Variants in ASPA observed in about 807,000 individuals in gnomAD.
The protein encoded by ASPA is aspartoacylase.
In ASPA, 25 loss-of-function variants were observed where a neutral mutation model predicts 29.6. The observed-to-expected ratio is 0.85, with a 90% CI of 0.62 to 1.18. ASPA has a LOEUF of 1.18. ASPA is among the 50% of genes most tolerant of loss of function. The probability of loss-of-function intolerance (pLI) is 0.00; values close to 1 mark genes in which losing one functional copy is unlikely to be tolerated. For synonymous variants in ASPA, 131 were observed against 130.3 expected (o/e 1.01, Z -0.04); for missense variants, 333 against 385.7 (o/e 0.86, Z 1.14).
In ASPA at chr17:3,498,933, T is replaced by C; in HGVS notation, c.787T>C (p.Leu263=). Residue 263 remains leucine (L), a synonymous_variant, in exon 6 of 6, where the codon TTA becomes CTA. Coordinates refer to ENST00000263080, the MANE Select transcript of ASPA (RefSeq NM_000049.4). ...ACTGCATCCTGGGGATCCCATGTTT[T>C]TAACTCTTGATGGGAAGACGATCCC... ...KPLHPGDPMF[L]TLDGKTIPLG... The C allele has an allele frequency of 1.2e-6, 2 of 1,610,190 alleles. No homozygotes were observed. The highest frequency in any genetic ancestry group is 1.7e-6 in the Non-Finnish European group (2 of 1,177,616).
chr17:3,474,339 C>T (rs182163588), upstream of ASPA, among the ~76,000 whole-genome samples: 11 of 152,312 alleles, frequency 7.2e-5, no homozygotes, highest in East Asian at 1.3e-3. Context: ...GTGCCAGCTA[C>T]GAGTAAATAA....
chr17:3,483,902 C>T (rs546351177), intron 3 of ASPA, among the ~76,000 whole-genome samples: 1 of 152,288 alleles, frequency 6.6e-6, no homozygotes, highest in South Asian at 2.1e-4. Context: ...AGGTGATGCA[C>T]CTGCCTCAGC....
rs2073807697 is a variant in ASPA, at chr17:3,490,546, C to T, written c.634+1204C>T. On this transcript the variant is annotated intron_variant, in intron 4 of 5. Transcript: ENST00000263080. This position sits in a 1 kb window ranked among gnomAD's most constrained non-coding sequence, Gnocchi z 4.6. ...TCCTCAACCTCAGATCGTGCGCACC[C>T]CACTGCAATCACAGACATTCGTTTT... 6.6e-6 allele frequency among the ~76,000 whole-genome samples: 1 copy of T among 151,658 alleles called. No individual in the cohort carries two copies.
rs368622924 is a variant in ASPA, at chr17:3,494,370, G to A, written c.655G>A (p.Ala219Thr). The A allele has an allele frequency of 2.0e-5, 33 of 1,611,272 alleles. No individual in the cohort carries two copies. The highest frequency in any genetic ancestry group is 6.7e-5 in the East Asian group (3 of 44,890). ...FNEGKEFPPC[A>T]IEVYKIIEKV... ...CATAGGAAAAGAATTTCCTCCCTGC[G>A]CCATTGAGGTCTATAAAATTATAGA... The change falls in exon 5 of 6, where the codon GCC (alanine) becomes ACC (threonine). Residue 219 changes from alanine (A) to threonine (T), a missense_variant. Coordinates refer to ENST00000263080, the MANE Select transcript of ASPA (RefSeq NM_000049.4).
At position 3,485,176 on chromosome 17, in the gene ASPA, A is replaced by G. The variant is rs1196181302; in HGVS notation, c.526+1584A>G. Among the ~76,000 whole-genome samples, 1 of 152,030 alleles carries G rather than the reference A, an allele frequency of 6.6e-6. No homozygotes were observed. The highest frequency in any genetic ancestry group is 1.9e-4 in the East Asian group (1 of 5,186). ...TTGAACTACAGGCACGTGCCACCAC[A>G]TTCAGCTAATTTTTTATTTTTTGTA... On this transcript the variant is annotated intron_variant, in intron 3 of 5. Coordinates refer to ENST00000263080, the MANE Select transcript of ASPA (RefSeq NM_000049.4). The surrounding 1 kb of genome is among the most constrained non-coding windows in gnomAD (Gnocchi z 4.4).
At chr17:3,498,592 C>T (rs1379820275) in intron 5 of ASPA, among the ~76,000 whole-genome samples, 1 of 152,184 alleles carries the variant, frequency 6.6e-6, no homozygotes, top group Non-Finnish European at 1.5e-5. Flanking sequence ...AGCGATCCAC[C>T]CACATTGGCC....
chr17:3,481,943 G>C, intron 2 of ASPA, 145 bp downstream of exon 2: 1 of 743,634 alleles, frequency 1.3e-6, no homozygotes, highest in South Asian at 1.9e-5. Flanking sequence ...GTGGTTGGGG[G>C]GAAAGGGTGC....
intron 1 of ASPA, 74 bp downstream of exon 1, chr17:3,476,469 A>G (rs1597422711): frequency 7.6e-7 from 1 of 1,311,846 alleles, no homozygotes; most frequent in Non-Finnish European, 1.1e-6. Context: ...GAGAACACAT[A>G]TATGTATATG....
intron 5 of ASPA, 52 bp from the exon 6 acceptor site, chr17:3,498,839 T>C (rs1597450555): frequency 4.9e-6 from 7 of 1,414,232 alleles, no homozygotes; most frequent in East Asian, 2.5e-5. Flanking sequence ...ACATAAATTT[T>C]TAGAGGAGAA....
Position 3,498,978 on chromosome 17 carries a change from G to A in ASPA, c.832G>A (p.Val278Met), listed in dbSNP as rs140581464. The A allele has an allele frequency of 1.3e-4, 211 of 1,614,142 alleles. No individual in the cohort carries two copies. In the East Asian group the frequency reaches 2.5e-3, roughly 19 times the overall value. The change falls in exon 6 of 6, where the codon GTG (valine) becomes ATG (methionine). Residue 278 changes from valine to methionine, a missense_variant. Physicochemically the swap from Val to Met is conservative, Grantham distance 21. Coordinates refer to ENST00000263080, the MANE Select transcript of ASPA (RefSeq NM_000049.4). ...KTIPLGGDCTVYPVFVNEAAY... is the reference protein window; with the variant it reads ...KTIPLGGDCTMYPVFVNEAAY... Reference sequence around the variant, plus strand: ...GATCCCACTGGGCGGAGACTGTACCGTGTACCCCGTGTTTGTGAATGAGGC... The same window carrying A: ...GATCCCACTGGGCGGAGACTGTACCATGTACCCCGTGTTTGTGAATGAGGC...
At position 3,494,333 on chromosome 17, in the gene ASPA, T is replaced by G; in HGVS notation, c.635-17T>G. On this transcript the variant is annotated splice_polypyrimidine_tract_variant and intron_variant, in intron 4 of 5. Coordinates refer to ENST00000263080, the MANE Select transcript of ASPA (RefSeq NM_000049.4). ...GATGTTTTTAGTTGCCATTGATACA[T>G]ATTGTTTTTGTCATAGGAAAAGAAT... The G allele has an allele frequency of 3.2e-6, 5 of 1,562,996 alleles. No individual in the cohort carries two copies. Among genetic ancestry groups the G allele is most frequent in the Non-Finnish European group, 3.5e-6 (4 of 1,133,668 alleles).
chr17:3,492,382 C>T (rs1014320298), intron 4 of ASPA, among the ~76,000 whole-genome samples: 15 of 152,132 alleles, frequency 9.9e-5, no homozygotes, highest in Non-Finnish European at 2.1e-4. Flanking sequence ...TTTTTACTTT[C>T]TTCCTATCCA....
At position 3,490,150 on chromosome 17, in the gene ASPA, A is replaced by G. The variant is rs1873061; in HGVS notation, c.634+808A>G. Among the ~76,000 whole-genome samples the G allele has an allele frequency of 0.78, 119,260 of 152,098 alleles. 47,688 individuals carry two copies. The highest frequency in any genetic ancestry group is 0.87 in the Non-Finnish European group (59,243 of 68,012). On this transcript the variant is annotated intron_variant, in intron 4 of 5. Transcript: ENST00000263080. This position sits in a 1 kb window ranked among gnomAD's most constrained non-coding sequence, Gnocchi z 4.6. ...AAAGTCCTAGAAGAAAACACACCAA[A>G]CTGATAACAATAGTTACCGGGGACG...
chr17:3,483,607 C>T lies in ASPA; in HGVS notation c.526+15C>T, dbSNP rs1362880583. ...GTATCCTGTGGGTAAGTCATAGTTC[C>T]CACTGTCATAACTCAATAAAATATG... On this transcript the variant is annotated intron_variant, in intron 3 of 5. Transcript: ENST00000263080. 1.9e-6 allele frequency: 3 copies of T among 1,584,366 alleles called. No individual in the cohort carries two copies. Among genetic ancestry groups the T allele is most frequent in the Non-Finnish European group, 2.6e-6 (3 of 1,153,022 alleles).
At chr17:3,493,884 T>C (rs1290246987) in intron 4 of ASPA, among the ~76,000 whole-genome samples, 1 of 152,160 alleles carries the variant, frequency 6.6e-6, no homozygotes, top group Non-Finnish European at 1.5e-5. Flanking sequence ...AGAGTGCTGA[T>C]AGGAATCATT....
intron 1 of ASPA, among the ~76,000 whole-genome samples, chr17:3,477,343 C>T (rs772820597): frequency 3.9e-5 from 6 of 152,166 alleles, no homozygotes; most frequent in Admixed American, 6.5e-5. Context: ...CGTAAGCAGT[C>T]ATAACATGCT....
At chr17:3,497,974 A>G (rs2073936174) in intron 5 of ASPA, among the ~76,000 whole-genome samples, 1 of 152,128 alleles carries the variant, frequency 6.6e-6, no homozygotes. Context: ...TTGAGGGCTC[A>G]AAGGTCCAAA....
In ASPA at chr17:3,499,367, T is replaced by C; in HGVS notation, c.*279T>C. 1 of 251,682 alleles carries C rather than the reference T, an allele frequency of 4.0e-6. No individual in the cohort carries two copies. Among genetic ancestry groups the C allele is most frequent in the Non-Finnish European group, 7.5e-6 (1 of 134,156 alleles). The allele number at this position is 251,682 out of a possible 1,614,324, so 15.6% of individuals were successfully genotyped here. On this transcript the variant is annotated 3_prime_UTR_variant, in exon 6 of 6. Coordinates refer to ENST00000263080, the MANE Select transcript of ASPA (RefSeq NM_000049.4). Reference sequence around the variant, plus strand: ...CAACATTCTTAATAAACAGCCTTTGTATTCAGAATATAAAATTGAAATAGA... The same window carrying C: ...CAACATTCTTAATAAACAGCCTTTGCATTCAGAATATAAAATTGAAATAGA...
At position 3,494,406 on chromosome 17, in the gene ASPA, T is replaced by C. The variant is rs778203652; in HGVS notation, c.691T>C (p.Tyr231His). The C allele has an allele frequency of 1.9e-6, 3 of 1,613,362 alleles. No individual in the cohort carries two copies. The South Asian group carries it at 3.3e-5, about 18-fold the overall frequency. Residue 231 changes from tyrosine to histidine, a missense_variant, in exon 5 of 6, where the codon TAC (tyrosine) becomes CAC (histidine). Physicochemically the swap from Tyr to His is moderately conservative, Grantham distance 83 (BLOSUM62 2). Transcript: ENST00000263080. ...EVYKIIEKVD[Y>H]PRDENGEIAA... is the part of the protein sequence containing the mutation. Reference sequence around the variant, plus strand: ...CTATAAAATTATAGAGAAAGTTGATTACCCCCGGGATGAAAATGGAGAAAT... The same window carrying C: ...CTATAAAATTATAGAGAAAGTTGATCACCCCCGGGATGAAAATGGAGAAAT...
Sources: gnomAD v4.1 joint callset for allele counts (sites outside exome capture counted in the v4.1 genomes callset) on GRCh38, gnomAD v4.1.1 for gene constraint, Gnocchi (gnomAD v3.1) non-coding constraint, MANE v1.5 for transcripts, NCBI Gene and HGNC (gene_info 2026-07-23, HGNC 2026-07-21) for gene names.